Variants in ZNF782 observed in about 807,000 individuals in gnomAD.
The protein encoded by ZNF782 is zinc finger protein 782.
Under a neutral mutation model 13.0 loss-of-function variants are expected in ZNF782, and 12 were observed. The ratio of observed to expected loss-of-function variants is 0.92; its 90% CI spans 0.59 to 1.50. The LOEUF is 1.50. Ranked by LOEUF, ZNF782 falls within the 40% of genes most tolerant of loss-of-function variation. The probability of loss-of-function intolerance (pLI) is 0.00; values close to 1 mark genes in which losing one functional copy is unlikely to be tolerated. For synonymous variants in ZNF782, 284 were observed against 283.0 expected, an observed-to-expected ratio of 1.00 and a Z score of -0.04; for missense variants, 770 against 822.9, an observed-to-expected ratio of 0.94 and a Z score of 0.79.
chr9:96,836,231 GAGACCA>G (rs1446623393), intron 4 of ZNF782, among the ~76,000 whole-genome samples: 1 of 59,162 alleles, frequency 1.7e-5, no homozygotes, highest in Admixed American at 1.9e-4. Context: ...TTTTTTTTTT[GAGACCA>G]AGTCTTGCTC....
At position 96,818,044 on chromosome 9, in the gene ZNF782, T is replaced by G; in HGVS notation, c.1979A>C (p.Asn660Thr). 1 of 1,607,536 alleles carries G rather than the reference T, an allele frequency of 6.2e-7. No individual in the cohort carries two copies. The highest frequency in any genetic ancestry group is 8.5e-7 in the Non-Finnish European group (1 of 1,177,288). The change falls in exon 6 of 6, where the codon AAT becomes ACT. Residue 660 changes from asparagine to threonine, a missense_variant. By Grantham distance (65) the Asn-to-Thr change is moderately conservative (BLOSUM62 0). Transcript: ENST00000481138. ...GTGAGTTCTCTGATGTACTCTGAGA[T>G]TGGATTTCTGACTGAAAGCTTCCCC... Reference protein sequence around the residue: ...QCGEAFSQKSNLRVHQRTHTG... With the variant: ...QCGEAFSQKSTLRVHQRTHTG...
chr9:96,913,948 T>A, the ZNF782 span, among the ~76,000 whole-genome samples: 2 of 146,204 alleles, frequency 1.4e-5, no homozygotes, highest in African/African-American at 5.0e-5. Context: ...GAGACCAGCC[T>A]GGGCAACACA....
the ZNF782 span, among the ~76,000 whole-genome samples, chr9:96,886,481 G>A: frequency 6.6e-6 from 1 of 152,196 alleles, no homozygotes; most frequent in Non-Finnish European, 1.5e-5. Context: ...TAAAAGTGGA[G>A]AGAGTAAAGG....
At chr9:96,886,785 T>C in the ZNF782 span, among the ~76,000 whole-genome samples, 1 of 151,788 alleles carries the variant, frequency 6.6e-6, no homozygotes, top group Non-Finnish European at 1.5e-5. Context: ...TAGCTGGGCG[T>C]AGTGACATGT....
the ZNF782 span, among the ~76,000 whole-genome samples, chr9:96,930,253 G>A: frequency 0.01 from 1,580 of 152,174 alleles, 3 homozygotes; most frequent in Non-Finnish European, 0.018. Flanking sequence ...GGCCGGGCGC[G>A]GTGGCTCACG....
chr9:96,863,535 A>G (rs1260454600), intron 1 of ZNF782, among the ~76,000 whole-genome samples: 2 of 152,232 alleles, frequency 1.3e-5, no homozygotes, highest in Admixed American at 6.5e-5. Context: ...AAAGGAAAAT[A>G]AGTTATGAAA....
chr9:96,907,768 C>A, the ZNF782 span, among the ~76,000 whole-genome samples: 2 of 151,934 alleles, frequency 1.3e-5, no homozygotes, highest in East Asian at 3.9e-4. Flanking sequence ...AGCCTCCCGA[C>A]TAGCTGGGAT....
intron 1 of ZNF782, among the ~76,000 whole-genome samples, chr9:96,862,548 C>T (rs901390809): frequency 6.6e-6 from 1 of 152,148 alleles, no homozygotes; most frequent in Non-Finnish European, 1.5e-5. Context: ...AATTACCACA[C>T]TGTATATTTA....
chr9:96,919,274 A>G, the ZNF782 span: 1 of 115,320 alleles, frequency 8.7e-6, no homozygotes, highest in Admixed American at 1.0e-4. Context: ...TCTTCCGATA[A>G]GGCAATAATG....
chr9:96,880,636 C>A, the ZNF782 span, among the ~76,000 whole-genome samples: 1 of 152,086 alleles, frequency 6.6e-6, no homozygotes, highest in African/African-American at 2.4e-5. Context: ...CTGAATAAAC[C>A]ACACCTAGTT....
chr9:96,837,089 G>C (rs1320262561), intron 4 of ZNF782, among the ~76,000 whole-genome samples: 1 of 152,148 alleles, frequency 6.6e-6, no homozygotes, highest in African/African-American at 2.4e-5. Context: ...CACTCCCATA[G>C]TTTTGTTTTT....
chr9:96,824,618 CCT>C (rs1162830039), intron 5 of ZNF782, among the ~76,000 whole-genome samples: 1 of 136,576 alleles, frequency 7.3e-6, no homozygotes, highest in East Asian at 2.1e-4. Flanking sequence ...TCAAATTGTC[CCT>C]GTTTGCAGAC....
chr9:96,844,747 T>C lies in ZNF782; in HGVS notation c.142+143A>G, dbSNP rs1364561963. The stretch of plus-strand genomic sequence containing the variant: ...GCTGAATTTTATTTTCTGTTAAGTA[T>C]ACCTCAATAAAAGTGACTAATATAA... On this transcript the variant is annotated intron_variant, in intron 4 of 5. Transcript: ENST00000481138. 1.4e-4 allele frequency: 152 copies of C among 1,093,574 alleles called. 1 individual carries two copies. The East Asian group carries it at 3.8e-3, about 28-fold the overall frequency. The allele number at this position is 1,093,574 out of a possible 1,614,324, so 67.7% of individuals were successfully genotyped here.
At chr9:96,895,833 C>T in the ZNF782 span, 1 of 152,102 alleles carries the variant, frequency 6.6e-6, no homozygotes, top group Non-Finnish European at 1.5e-5. Context: ...TAGCAGAATC[C>T]CTACACTGGT....
chr9:96,872,627 A>G (rs964594826), intron 1 of ZNF782, among the ~76,000 whole-genome samples: 1 of 152,196 alleles, frequency 6.6e-6, no homozygotes, highest in South Asian at 2.1e-4. Context: ...CAGTCTTGAT[A>G]TGTCTTAAAG....
chr9:96,828,744 AAAAGG>A (rs1408867324), intron 4 of ZNF782, among the ~76,000 whole-genome samples: 8 of 152,336 alleles, frequency 5.3e-5, no homozygotes, highest in East Asian at 3.9e-4. Flanking sequence ...CCAGAAGAAA[AAAAGG>A]AAAGGGAGAG....
intron 3 of ZNF782, among the ~76,000 whole-genome samples, chr9:96,847,676 T>C (rs1031607123): frequency 2.0e-5 from 3 of 152,060 alleles, no homozygotes; most frequent in Admixed American, 1.3e-4. Flanking sequence ...TTTAAAAATT[T>C]GAAAATTGCC....
chr9:96,838,812 T>C (rs1851091146), intron 4 of ZNF782, among the ~76,000 whole-genome samples: 1 of 148,968 alleles, frequency 6.7e-6, no homozygotes, highest in South Asian at 2.1e-4. Flanking sequence ...GTCTCCGGGG[T>C]TCAAGTGATT....
chr9:96,818,571 C>A lies in ZNF782; in HGVS notation c.1452G>T (p.Gly484=). 1.2e-6 allele frequency: 2 copies of A among 1,613,216 alleles called. No individual in the cohort carries two copies. Among genetic ancestry groups the A allele is most frequent in the Non-Finnish European group, 1.7e-6 (2 of 1,179,796 alleles). Residue 484 remains glycine, a synonymous_variant, in exon 6 of 6, where the codon GGG becomes GGT. Transcript: ENST00000481138. ...GEKPFECNEC[G]KSFSHMSGLR... Reference sequence around the variant, plus strand: ...GGCCTGACATATGGCTGAAAGATTTCCCGCATTCATTACATTCAAAAGGTT... The same window carrying A: ...GGCCTGACATATGGCTGAAAGATTTACCGCATTCATTACATTCAAAAGGTT...
Sources: allele counts gnomAD v4.1 joint callset (sites outside exome capture counted in the v4.1 genomes callset), GRCh38; gene constraint gnomAD v4.1.1; transcripts MANE v1.5; gene names NCBI Gene and HGNC (gene_info 2026-07-23, HGNC 2026-07-21).